BACH1: variants seen among roughly 807,000 people sequenced by gnomAD.
BACH1 encodes the protein transcription regulator protein BACH1.
BACH1 carries 35 observed loss-of-function variants against 52.9 expected under a neutral mutation model. The observed-to-expected ratio is 0.66, with a 90% CI of 0.51 to 0.88. The LOEUF (loss-of-function observed/expected upper bound fraction) is 0.88, where lower values mean the gene tolerates loss of function less well. Ranked by LOEUF, BACH1 falls within the 40% of genes least tolerant of loss-of-function variation. The pLI, the probability that BACH1 is intolerant of heterozygous loss-of-function variation, is 0.00. For synonymous variants in BACH1, 321 were observed against 319.6 expected (o/e 1.00, Z -0.05); for missense variants, 808 against 872.6 (o/e 0.93, Z 0.93).
At position 29,333,459 on chromosome 21, in the gene BACH1, A is replaced by G. The variant is rs180984822; in HGVS notation, c.1776+3766A>G. Among the ~76,000 whole-genome samples the G allele has an allele frequency of 1.4e-3, 208 of 152,380 alleles. 2 individuals carry two copies. Among genetic ancestry groups the G allele is most frequent in the African/African-American group, 4.7e-3 (197 of 41,586 alleles). On this transcript the variant is annotated intron_variant, in intron 4 of 4. Coordinates refer to ENST00000286800, the MANE Select transcript of BACH1 (RefSeq NM_001186.4). The stretch of plus-strand genomic sequence containing the variant: ...TCTTAGTCTTTATAGTCTAAAGATT[A>G]TAACAAACCTATTTAAGGGAAATTG...
At position 29,326,630 on chromosome 21, in the gene BACH1, A is replaced by G; in HGVS notation, c.806A>G (p.Glu269Gly). 6.2e-7 allele frequency: 1 copy of G among 1,614,206 alleles called. No individual in the cohort carries two copies. Among genetic ancestry groups the G allele is most frequent in the African/African-American group, 1.3e-5 (1 of 75,056 alleles). ...SENECLGGVP[E>G]CRDLQVMLKC... ...AATGAATGCCTGGGAGGAGTCCCGGAGTGTAGAGATTTGCAGGTGATGTTA... is the reference window on the plus strand; with the variant it reads ...AATGAATGCCTGGGAGGAGTCCCGGGGTGTAGAGATTTGCAGGTGATGTTA... The change falls in exon 3 of 5, where the codon GAG becomes GGG. Residue 269 changes from glutamate (E) to glycine (G), a missense_variant. By Grantham distance (98) the Glu-to-Gly change is moderately conservative. Transcript: ENST00000286800.
chr21:29,314,020 T>A (rs765379683), intron 1 of BACH1, among the ~76,000 whole-genome samples: 2 of 152,220 alleles, frequency 1.3e-5, no homozygotes, highest in Non-Finnish European at 2.9e-5. Flanking sequence ...GACAAAGGCA[T>A]GACAGAAAAT....
At chr21:29,351,076 C>T (rs993057425), downstream of BACH1, among the ~76,000 whole-genome samples, 1 of 152,186 alleles carries the variant, frequency 6.6e-6, no homozygotes, top group Admixed American at 6.5e-5. Flanking sequence ...GAGCACATTA[C>T]CTTTTCATTT....
intron 4 of BACH1, among the ~76,000 whole-genome samples, chr21:29,336,593 T>C (rs1332320202): frequency 1.3e-5 from 2 of 152,214 alleles, no homozygotes; most frequent in Non-Finnish European, 2.9e-5. Flanking sequence ...TTTCTAAATC[T>C]TTCATTCTAT....
Position 29,326,856 on chromosome 21 carries a change from A to G in BACH1, c.1032A>G (p.Thr344=). The G allele has an allele frequency of 6.2e-7, 1 of 1,614,200 alleles. No homozygotes were observed. Among genetic ancestry groups the G allele is most frequent in the Non-Finnish European group, 8.5e-7 (1 of 1,180,022 alleles). ...DLNFAGMQNT[T]VLTEKPLSGT... ...ATTTTGCTGGTATGCAAAACACAAC[A>G]GTGTTAACAGAAAAGCCTTTGTCAG... Residue 344 remains threonine, a synonymous_variant, in exon 3 of 5, where the codon ACA becomes ACG. Coordinates refer to ENST00000286800, the MANE Select transcript of BACH1 (RefSeq NM_001186.4).
intron 2 of BACH1, among the ~76,000 whole-genome samples, chr21:29,325,543 A>G (rs2088900284): frequency 6.6e-6 from 1 of 152,332 alleles, no homozygotes; most frequent in Admixed American, 6.5e-5. Context: ...CAGTAAAGTT[A>G]ATAGTTACCA....
In BACH1 at chr21:29,342,816, T is replaced by C; in HGVS notation, c.2194T>C (p.Cys732Arg). ...SDFCQQMTDK[C>R]TTDE Reference sequence around the variant, plus strand: ...TTTCTGTCAGCAGATGACTGATAAATGTACTACTGATGAGTAAACTTGCAT... The same window carrying C: ...TTTCTGTCAGCAGATGACTGATAAACGTACTACTGATGAGTAAACTTGCAT... Residue 732 changes from cysteine (C) to arginine (R), a missense_variant, in exon 5 of 5, where the codon TGT (cysteine) becomes CGT (arginine). Coordinates refer to ENST00000286800, the MANE Select transcript of BACH1 (RefSeq NM_001186.4). The C allele has an allele frequency of 6.2e-7, 1 of 1,600,246 alleles. No homozygotes were observed. The highest frequency in any genetic ancestry group is 8.5e-7 in the Non-Finnish European group (1 of 1,170,134).
At chr21:29,356,472 T>G (rs1306608445) in intron 2 of BACH1, among the ~76,000 whole-genome samples, 2 of 152,268 alleles carry the variant, frequency 1.3e-5, no homozygotes, top group Non-Finnish European at 2.9e-5. Context: ...GGCAATTTTC[T>G]TAACTGCTTC....
At chr21:29,356,724 C>T (rs1439143320) in intron 2 of BACH1, among the ~76,000 whole-genome samples, 1 of 152,270 alleles carries the variant, frequency 6.6e-6, no homozygotes, top group African/African-American at 2.4e-5. Context: ...CTTGTTTACA[C>T]TGACAACAAG....
Position 29,326,628 on chromosome 21 carries a change from G to C in BACH1, c.804G>C (p.Pro268=). Residue 268 remains proline, a synonymous_variant, in exon 3 of 5, where the codon CCG becomes CCC. Transcript: ENST00000286800. ...RSENECLGGV[P]ECRDLQVMLK... is the part of the protein sequence containing the mutation. Reference sequence around the variant, plus strand: ...AAAATGAATGCCTGGGAGGAGTCCCGGAGTGTAGAGATTTGCAGGTGATGT... The same window carrying C: ...AAAATGAATGCCTGGGAGGAGTCCCCGAGTGTAGAGATTTGCAGGTGATGT... 1.2e-6 allele frequency: 2 copies of C among 1,614,186 alleles called. No individual in the cohort carries two copies. Among genetic ancestry groups the C allele is most frequent in the Non-Finnish European group, 1.7e-6 (2 of 1,180,030 alleles).
intron 2 of BACH1, among the ~76,000 whole-genome samples, chr21:29,354,533 A>G (rs1177366881): frequency 6.6e-6 from 1 of 152,190 alleles, no homozygotes; most frequent in Non-Finnish European, 1.5e-5. Flanking sequence ...GGCCAGATTC[A>G]TGAAACATGG....
rs2089144668 is a variant in BACH1 at position 29,344,148 on chromosome 21, C to G, written c.*1315C>G. On this transcript the variant is annotated 3_prime_UTR_variant, in exon 5 of 5. Transcript: ENST00000286800. ...GATGTGTTTGAGAGTCAAATGAAAG[C>G]TATGGATCTTCTCAGCAATTAAAAA... 2 of 152,174 alleles carry G rather than the reference C, an allele frequency of 1.3e-5. No homozygotes were observed. The highest frequency in any genetic ancestry group is 1.5e-5 in the Non-Finnish European group (1 of 68,046). The allele number at this position is 152,174 out of a possible 1,614,324, so 9.4% of individuals were successfully genotyped here. A position where few individuals can be genotyped will look rare whatever the true frequency, so the allele number is the denominator to read the frequency against.
At chr21:29,306,169 A>AGTGT (rs61571512) in intron 1 of BACH1, among the ~76,000 whole-genome samples, 7,148 of 141,190 alleles carry the variant, frequency 0.051, 208 homozygotes, top group East Asian at 0.11. Flanking sequence ...GGTCAGGAAG[A>AGTGT]GTGTGTGTGT....
Position 29,326,186 on chromosome 21 carries a change from C to T in BACH1, c.362C>T (p.Ser121Phe), listed in dbSNP as rs200941692. ...EFLSVHNIEE[S>F]CFQFLKFKFL... ...TTAAGTGTACATAATATTGAGGAAT[C>T]CTGCTTTCAGTTTCTGAAATTTAAG... The change falls in exon 3 of 5, where the codon TCC becomes TTC. Residue 121 changes from serine (S) to phenylalanine (F), a missense_variant. Ser to Phe is a radical substitution (Grantham distance 155). Transcript: ENST00000286800. 6 of 1,614,146 alleles carry T rather than the reference C, an allele frequency of 3.7e-6. No homozygotes were observed. Among genetic ancestry groups the T allele is most frequent in the Non-Finnish European group, 1.7e-6 (2 of 1,180,024 alleles).
intron 2 of BACH1, chr21:29,351,707 GCT>G: frequency 1.9e-6 from 1 of 534,730 alleles, no homozygotes; most frequent in Non-Finnish European, 3.8e-6. Context: ...TGCTCAGACA[GCT>G]CTGTTTCAGC....
chr21:29,328,465 A>C (rs2088941266), intron 3 of BACH1, among the ~76,000 whole-genome samples: 1 of 151,680 alleles, frequency 6.6e-6, no homozygotes. Flanking sequence ...TTCTCTTTAT[A>C]ATCACAATTT....
chr21:29,361,575 C>T (rs1229348482), intron 2 of BACH1: 3 of 152,154 alleles, frequency 2.0e-5, no homozygotes, highest in Non-Finnish European at 4.4e-5. Context: ...CACACCACTA[C>T]CTACGATCCG....
At chr21:29,361,730 C>G (rs2089273005) in intron 2 of BACH1, 2 of 152,150 alleles carry the variant, frequency 1.3e-5, no homozygotes, top group African/African-American at 4.8e-5. Context: ...GTATTTATAA[C>G]CCAGTGTATT....
intron 4 of BACH1, among the ~76,000 whole-genome samples, chr21:29,331,280 C>T (rs1472790457): frequency 6.6e-6 from 1 of 152,124 alleles, no homozygotes; most frequent in Non-Finnish European, 1.5e-5. Context: ...AGTTATGCTT[C>T]TTAGTTCTTT....
Sources: allele counts gnomAD v4.1 joint callset (sites outside exome capture counted in the v4.1 genomes callset), GRCh38; gene constraint gnomAD v4.1.1; transcripts MANE v1.5; gene names NCBI Gene and HGNC (gene_info 2026-07-23, HGNC 2026-07-21).